Variants in MGST1 observed in about 807,000 individuals in gnomAD.
MGST1 encodes the protein microsomal glutathione S-transferase 1.
MGST1 carries 5 observed loss-of-function variants against 8.9 expected under a neutral mutation model. The observed-to-expected ratio is 0.56, with a 90% CI of 0.29 to 1.19. MGST1 has a LOEUF of 1.19. MGST1 is among the 50% of genes most tolerant of loss of function. The probability of loss-of-function intolerance (pLI) is 0.08; values close to 1 mark genes in which losing one functional copy is unlikely to be tolerated. For missense variants in MGST1, 182 were observed against 187.4 expected (o/e 0.97, Z 0.17); for synonymous variants, 54 against 67.8 (o/e 0.80, Z 1.00).
rs146171464 is a variant in MGST1, at chr12:16,580,152, G to C, written n.483-9376G>C. Among the ~76,000 whole-genome samples the C allele has an allele frequency of 2.2e-4, 33 of 152,186 alleles. No individual in the cohort carries two copies. The East Asian group carries it at 4.8e-3, about 22-fold the overall frequency. On this transcript the variant is annotated intron_variant and non_coding_transcript_variant, in intron 4 of 4. Transcript: ENST00000538857. ...TACGTTATTTTTATTTTTTAATAGAGATGGGATCTCTCTATGTTGCCCAGG... is the reference window on the plus strand; with the variant it reads ...TACGTTATTTTTATTTTTTAATAGACATGGGATCTCTCTATGTTGCCCAGG...
intron 4 of MGST1, among the ~76,000 whole-genome samples, chr12:16,507,294 G>C (rs1487034527): frequency 6.6e-6 from 1 of 152,124 alleles, no homozygotes; most frequent in African/African-American, 2.4e-5. Flanking sequence ...ATGTGGTGGG[G>C]TGGAGAAATG....
chr12:16,419,847 A>G (rs942044084), intron 1 of MGST1, among the ~76,000 whole-genome samples: 1 of 152,174 alleles, frequency 6.6e-6, no homozygotes, highest in Non-Finnish European at 1.5e-5. Flanking sequence ...CGCCTAGCTG[A>G]TTAGGCTTCC....
At chr12:16,487,937 A>G (rs898865552) in intron 4 of MGST1, among the ~76,000 whole-genome samples, 1 of 152,210 alleles carries the variant, frequency 6.6e-6, no homozygotes, top group Non-Finnish European at 1.5e-5. Context: ...TAATTTAAAA[A>G]TTGGCTGGTG....
chr12:16,400,358 A>T (rs1940643631), intron 1 of MGST1: 2 of 819,168 alleles, frequency 2.4e-6, no homozygotes, highest in South Asian at 1.4e-5. Context: ...CCTCGAACAG[A>T]TATGAAGCGG....
chr12:16,541,692 G>A (rs1228122666), intron 4 of MGST1, among the ~76,000 whole-genome samples: 1 of 151,854 alleles, frequency 6.6e-6, no homozygotes, highest in Non-Finnish European at 1.5e-5. Context: ...CAAGGATTAT[G>A]GTTTCTCATG....
chr12:16,354,434 C>A, intron 2 of MGST1, 56 bp downstream of exon 2: 1 of 1,539,184 alleles, frequency 6.5e-7, no homozygotes. Context: ...TTCTGGAGAG[C>A]AGTTTTCTTA....
chr12:16,559,016 C>T lies in MGST1; in HGVS notation n.483-30512C>T, dbSNP rs1211869567. On this transcript the variant is annotated intron_variant and non_coding_transcript_variant, in intron 4 of 4. Coordinates refer to the MGST1 transcript ENST00000538857. The surrounding 1 kb of genome is among the most constrained non-coding windows in gnomAD (Gnocchi z 4.1). ...TATGGTGGTGCTGAAATTTGAATCC[C>T]GTTCTCACTAGAAATGTCACATTCT... Among the ~76,000 whole-genome samples the T allele has an allele frequency of 1.3e-5, 2 of 152,034 alleles. No homozygotes were observed. Among genetic ancestry groups the T allele is most frequent in the African/African-American group, 4.8e-5 (2 of 41,396 alleles).
At chr12:16,588,759 G>A (rs1261644560) in intron 4 of MGST1, among the ~76,000 whole-genome samples, 3 of 151,946 alleles carry the variant, frequency 2.0e-5, no homozygotes, top group African/African-American at 4.8e-5. Flanking sequence ...GTTGGTAAAC[G>A]ACCTCATTAT....
At chr12:16,350,089 G>C (rs957492246) in intron 1 of MGST1, among the ~76,000 whole-genome samples, 8 of 152,146 alleles carry the variant, frequency 5.3e-5, no homozygotes, top group East Asian at 1.9e-4. Flanking sequence ...AGAATCCAGT[G>C]AAATGGGAGT....
chr12:16,468,872 G>T (rs1216165163), intron 4 of MGST1, among the ~76,000 whole-genome samples: 1 of 152,152 alleles, frequency 6.6e-6, no homozygotes, highest in African/African-American at 2.4e-5. Flanking sequence ...TAGATAATCT[G>T]GCCTGTGTCC....
At chr12:16,592,800 TA>T (rs1345618451), downstream of MGST1, among the ~76,000 whole-genome samples, 1 of 151,804 alleles carries the variant, frequency 6.6e-6, no homozygotes, top group Admixed American at 6.6e-5. Flanking sequence ...GATGGAAAAT[TA>T]AAAAACATTA....
intron 4 of MGST1, chr12:16,549,808 T>C (rs931060237): frequency 6.6e-6 from 1 of 152,110 alleles, no homozygotes; most frequent in African/African-American, 2.4e-5. Flanking sequence ...ATTTCCTTAA[T>C]TGTAATTTAA....
At chr12:16,383,450 CTT>C (rs1197521052) in exon 1 of MGST1, 1 of 148,958 alleles carries the variant, frequency 6.7e-6, no homozygotes, top group Non-Finnish European at 1.5e-5. Flanking sequence ...TTTTCTTTTT[CTT>C]TTCTTTTCTT....
chr12:16,352,421 A>G (rs951521616), intron 1 of MGST1, among the ~76,000 whole-genome samples: 5 of 152,202 alleles, frequency 3.3e-5, no homozygotes, highest in South Asian at 2.1e-4. Flanking sequence ...AATGAACATC[A>G]TCTAGAAGAG....
chr12:16,412,001 G>C (rs2137074795), intron 1 of MGST1, among the ~76,000 whole-genome samples: 1 of 152,180 alleles, frequency 6.6e-6, no homozygotes, highest in Admixed American at 6.6e-5. Flanking sequence ...CATATAAAGT[G>C]TATAAACTAG....
intron 1 of MGST1, among the ~76,000 whole-genome samples, chr12:16,407,896 G>A (rs1272969796): frequency 2.6e-5 from 4 of 151,896 alleles, no homozygotes; most frequent in Non-Finnish European, 5.9e-5. Flanking sequence ...GCTGGGCGTG[G>A]TGGTGTTTGC....
chr12:16,462,368 C>A (rs557002728), intron 4 of MGST1, among the ~76,000 whole-genome samples: 3 of 152,002 alleles, frequency 2.0e-5, no homozygotes, highest in Non-Finnish European at 4.4e-5. Context: ...CCATAGAGAC[C>A]TTCTAGTTCT....
downstream of MGST1, among the ~76,000 whole-genome samples, chr12:16,439,194 T>G (rs542935617): frequency 2.0e-4 from 30 of 151,808 alleles, no homozygotes; most frequent in Non-Finnish European, 3.7e-4. Flanking sequence ...AGAGGACTAT[T>G]TTAGAGTTGC....
At chr12:16,466,232 T>C (rs1478659307) in intron 4 of MGST1, among the ~76,000 whole-genome samples, 1 of 152,204 alleles carries the variant, frequency 6.6e-6, no homozygotes, top group Non-Finnish European at 1.5e-5. Flanking sequence ...CGAAGGAGGC[T>C]GGCAAGCATA....
Sources: gnomAD v4.1 joint callset for allele counts (sites outside exome capture counted in the v4.1 genomes callset) on GRCh38, gnomAD v4.1.1 for gene constraint, Gnocchi (gnomAD v3.1) non-coding constraint, MANE v1.5 for transcripts, NCBI Gene and HGNC (gene_info 2026-07-23, HGNC 2026-07-21) for gene names.